Variants in SV2C observed in about 807,000 individuals in gnomAD.
SV2C encodes the protein solute carrier family 22 member B3.
A neutral mutation model predicts 79.7 loss-of-function variants in SV2C; 49 were observed. The ratio of observed to expected loss-of-function variants is 0.61; its 90% CI spans 0.49 to 0.78. The LOEUF is 0.78. Ranked by LOEUF, SV2C falls within the 30% of genes least tolerant of loss-of-function variation. The probability of loss-of-function intolerance (pLI) is 0.00; values close to 1 mark genes in which losing one functional copy is unlikely to be tolerated. For missense variants in SV2C, 833 were observed against 912.9 expected, an observed-to-expected ratio of 0.91 and a Z score of 1.13; for synonymous variants, 334 against 333.2, an observed-to-expected ratio of 1.00 and a Z score of -0.03.
At chr5:76,181,828 G>A (rs1743742990) in intron 2 of SV2C, among the ~76,000 whole-genome samples, 1 of 152,264 alleles carries the variant, frequency 6.6e-6, no homozygotes, top group Middle Eastern at 3.4e-3. Context: ...CCTTCCCCAC[G>A]CAGGAACCCA....
At chr5:76,087,180 A>C (rs1367377651) in intron 1 of SV2C, among the ~76,000 whole-genome samples, 1 of 152,218 alleles carries the variant, frequency 6.6e-6, no homozygotes, top group South Asian at 2.1e-4. Flanking sequence ...ATGCCATTAG[A>C]TGTATGAATT....
At chr5:75,948,093 T>C in the SV2C span, among the ~76,000 whole-genome samples, 2 of 152,064 alleles carry the variant, frequency 1.3e-5, no homozygotes, top group East Asian at 1.9e-4. Context: ...TATCCTGTCC[T>C]GTTATAGCAT....
At chr5:76,288,572 A>G (rs1454868542) in intron 6 of SV2C, among the ~76,000 whole-genome samples, 1 of 151,970 alleles carries the variant, frequency 6.6e-6, no homozygotes, top group Non-Finnish European at 1.5e-5. Context: ...ATGAAGAAAA[A>G]CCCTTTATTT....
intron 12 of SV2C, among the ~76,000 whole-genome samples, chr5:76,307,107 G>A (rs1252569039): frequency 1.3e-5 from 2 of 152,162 alleles, no homozygotes; most frequent in Non-Finnish European, 2.9e-5. Flanking sequence ...TTTGGGGTTT[G>A]CTCAGCTTCT....
the SV2C span, among the ~76,000 whole-genome samples, chr5:75,927,936 G>T: frequency 6.6e-6 from 1 of 152,206 alleles, no homozygotes; most frequent in Non-Finnish European, 1.5e-5. Context: ...AGCCCTACAG[G>T]AATTCCCATA....
chr5:75,997,433 T>C, the SV2C span, among the ~76,000 whole-genome samples: 15 of 5,364 alleles, frequency 2.8e-3, no homozygotes, highest in Admixed American at 0.015. Context: ...ATTTTTGCAA[T>C]CTACTCATCT....
At chr5:76,109,897 G>C (rs1028248765) in intron 1 of SV2C, among the ~76,000 whole-genome samples, 15 of 152,170 alleles carry the variant, frequency 9.9e-5, no homozygotes, top group African/African-American at 3.4e-4. Context: ...ACTTGGAAAA[G>C]GAGTACTGGG....
At chr5:76,123,964 T>C (rs932441168) in intron 1 of SV2C, among the ~76,000 whole-genome samples, 7 of 152,218 alleles carry the variant, frequency 4.6e-5, no homozygotes, top group African/African-American at 1.7e-4. Flanking sequence ...TGCATCTGCA[T>C]AGTCTAAATA....
intron 4 of SV2C, among the ~76,000 whole-genome samples, chr5:76,268,360 G>A (rs1439952222): frequency 6.6e-6 from 1 of 152,142 alleles, no homozygotes; most frequent in Non-Finnish European, 1.5e-5. Context: ...TGATGCATGA[G>A]AACTGAGCGT....
chr5:76,141,661 T>G (rs2112209004), intron 2 of SV2C, among the ~76,000 whole-genome samples: 1 of 151,544 alleles, frequency 6.6e-6, no homozygotes, highest in African/African-American at 2.4e-5. Context: ...CCATCTCTAC[T>G]AAAAATACAA....
chr5:75,965,630 G>T, the SV2C span, among the ~76,000 whole-genome samples: 1 of 152,140 alleles, frequency 6.6e-6, no homozygotes, highest in Non-Finnish European at 1.5e-5. Context: ...ATTTATGGTA[G>T]TCTGTTACAG....
chr5:75,944,610 A>G, the SV2C span, among the ~76,000 whole-genome samples: 2 of 152,128 alleles, frequency 1.3e-5, no homozygotes, highest in African/African-American at 4.8e-5. Context: ...ATAGTGGAGA[A>G]GGGTTTCATG....
At chr5:76,297,731 A>T (rs1343469191) in intron 9 of SV2C, among the ~76,000 whole-genome samples, 1 of 152,180 alleles carries the variant, frequency 6.6e-6, no homozygotes, top group Non-Finnish European at 1.5e-5. Context: ...GTGCATTTTG[A>T]ACCAACACAC....
chr5:76,347,865 C>T (rs188222181), intron 12 of SV2C, among the ~76,000 whole-genome samples: 1 of 152,298 alleles, frequency 6.6e-6, no homozygotes, highest in African/African-American at 2.4e-5. Flanking sequence ...TTCCCATTAT[C>T]AACACCCCTC....
the SV2C span, among the ~76,000 whole-genome samples, chr5:76,038,311 C>T: frequency 6.6e-6 from 1 of 152,200 alleles, no homozygotes; most frequent in African/African-American, 2.4e-5. Context: ...AAAGCCCCTC[C>T]TTAAGCTAGA....
At chr5:76,036,111 A>G in the SV2C span, among the ~76,000 whole-genome samples, 1 of 151,480 alleles carries the variant, frequency 6.6e-6, no homozygotes, top group African/African-American at 2.4e-5. Flanking sequence ...ATCTTCCTCC[A>G]TCCTTTTATT....
chr5:76,078,884 A>G, upstream of SV2C: 1 of 567,752 alleles, frequency 1.8e-6, no homozygotes, highest in South Asian at 1.4e-5. Context: ...GTGTTGCTGG[A>G]CCTTCAGAGT....
intron 4 of SV2C, among the ~76,000 whole-genome samples, chr5:76,235,122 T>G (rs1245340901): frequency 2.0e-5 from 3 of 151,938 alleles, no homozygotes; most frequent in African/African-American, 7.3e-5. Flanking sequence ...AAGTGATTTT[T>G]TTTTTCACAA....
chr5:75,979,526 G>A, the SV2C span, among the ~76,000 whole-genome samples: 1 of 107,758 alleles, frequency 9.3e-6, no homozygotes, highest in Admixed American at 8.9e-5. Flanking sequence ...ATAGCAAACG[G>A]CCTCTGGGAT....
Sources: allele counts gnomAD v4.1 joint callset (sites outside exome capture counted in the v4.1 genomes callset), GRCh38; gene constraint gnomAD v4.1.1; transcripts MANE v1.5; gene names NCBI Gene and HGNC (gene_info 2026-07-23, HGNC 2026-07-21).